UBAC2: variants seen among roughly 807,000 people sequenced by gnomAD.
UBAC2 encodes the protein ubiquitin-associated domain-containing protein 2.
A neutral mutation model predicts 44.0 loss-of-function variants in UBAC2; 26 were observed. The ratio of observed to expected loss-of-function variants is 0.59; its 90% CI spans 0.43 to 0.82. The LOEUF is 0.82. Among genes scored for constraint, UBAC2 ranks in the 40% least tolerant of loss-of-function variants. The probability of loss-of-function intolerance (pLI) is 0.00; values close to 1 mark genes in which losing one functional copy is unlikely to be tolerated. For synonymous variants in UBAC2, 155 were observed against 154.3 expected (o/e 1.00, Z -0.04); for missense variants, 329 against 419.4 (o/e 0.78, Z 1.88).
chr13:99,328,726 A>T (rs1305267877), intron 6 of UBAC2, among the ~76,000 whole-genome samples: 1 of 152,164 alleles, frequency 6.6e-6, no homozygotes, highest in African/African-American at 2.4e-5. Context: ...TTCTTTATAT[A>T]TTCTAGATAT....
At chr13:99,264,580 A>G (rs1441734296) in intron 4 of UBAC2, among the ~76,000 whole-genome samples, 1 of 152,092 alleles carries the variant, frequency 6.6e-6, no homozygotes, top group Non-Finnish European at 1.5e-5. Flanking sequence ...AGCATGTGCC[A>G]CTAACTGACC....
intron 1 of UBAC2, among the ~76,000 whole-genome samples, chr13:99,219,109 A>G (rs937599003): frequency 6.6e-6 from 1 of 152,178 alleles, no homozygotes; most frequent in Non-Finnish European, 1.5e-5. Context: ...AGGAAAACCA[A>G]TGTTGTGGTA....
chr13:99,385,695 C>T lies in UBAC2; in HGVS notation c.*360C>T, dbSNP rs2045611064. 1 of 224,464 alleles carries T rather than the reference C, an allele frequency of 4.5e-6. No individual in the cohort carries two copies. The highest frequency in any genetic ancestry group is 9.1e-6 in the Non-Finnish European group (1 of 110,440). The allele number at this position is 224,464 out of a possible 1,614,324, so 13.9% of individuals were successfully genotyped here. On this transcript the variant is annotated 3_prime_UTR_variant, in exon 9 of 9. Coordinates refer to ENST00000403766, the MANE Select transcript of UBAC2 (RefSeq NM_001144072.2). The stretch of plus-strand genomic sequence containing the variant: ...TAACCCTCTTACTGTAACATGTCAT[C>T]TCCTGCGTCGTGATGGGGAGAGGGT...
intron 7 of UBAC2, among the ~76,000 whole-genome samples, chr13:99,348,535 G>C (rs531014973): frequency 2.0e-5 from 3 of 152,298 alleles, no homozygotes; most frequent in African/African-American, 7.2e-5. Context: ...ATAAGAAAGA[G>C]GCAATGAAAG....
intron 1 of UBAC2, among the ~76,000 whole-genome samples, chr13:99,208,865 C>G (rs113157550): frequency 0.011 from 1,625 of 152,314 alleles, 30 homozygotes; most frequent in African/African-American, 0.038. Flanking sequence ...GACTTCTATC[C>G]CTTTTGCCTC....
chr13:99,314,262 CTT>C (rs57005833), intron 5 of UBAC2, 42 bp downstream of exon 5: 25,630 of 1,126,522 alleles, frequency 0.023, no homozygotes, highest in Middle Eastern at 0.051. Flanking sequence ...TTAACCAGAT[CTT>C]TTTTTTTTTT....
intron 7 of UBAC2, among the ~76,000 whole-genome samples, chr13:99,344,135 A>T (rs776352819): frequency 1.3e-5 from 2 of 152,144 alleles, no homozygotes; most frequent in Non-Finnish European, 2.9e-5. Flanking sequence ...ATGTTATCTC[A>T]TTTATGCCCG....
At chr13:99,321,773 A>G (rs1224542246) in intron 6 of UBAC2, among the ~76,000 whole-genome samples, 4 of 152,230 alleles carry the variant, frequency 2.6e-5, no homozygotes, top group Non-Finnish European at 5.9e-5. Context: ...GTGATATCAC[A>G]GAAAATAACT....
chr13:99,337,881 C>G (rs1197231596), intron 6 of UBAC2, among the ~76,000 whole-genome samples: 1 of 152,068 alleles, frequency 6.6e-6, no homozygotes, highest in Admixed American at 6.6e-5. Context: ...CCTCCTTCCA[C>G]AGGGCCTAGA....
At chr13:99,225,718 G>A (rs569201698) in intron 1 of UBAC2, among the ~76,000 whole-genome samples, 10 of 152,324 alleles carry the variant, frequency 6.6e-5, no homozygotes, top group Admixed American at 3.9e-4. Context: ...CAAAGCTGAT[G>A]CCCTAAGTAA....
chr13:99,309,030 G>A (rs990367822), intron 4 of UBAC2, among the ~76,000 whole-genome samples: 7 of 152,124 alleles, frequency 4.6e-5, no homozygotes, highest in Non-Finnish European at 8.8e-5. Context: ...TTTTGAAATA[G>A]TTATATTAAG....
chr13:99,359,391 A>G (rs2045233245), intron 7 of UBAC2, among the ~76,000 whole-genome samples: 2 of 152,200 alleles, frequency 1.3e-5, no homozygotes, highest in Admixed American at 1.3e-4. Context: ...ACATTAGTAG[A>G]TGTGATAATT....
chr13:99,278,437 G>C (rs1566482227), intron 4 of UBAC2, among the ~76,000 whole-genome samples: 1 of 152,226 alleles, frequency 6.6e-6, no homozygotes, highest in East Asian at 1.9e-4. Context: ...GCAACCGTTG[G>C]AGTATTTTTA....
At chr13:99,368,344 A>G (rs1220070768) in intron 8 of UBAC2, among the ~76,000 whole-genome samples, 1 of 152,244 alleles carries the variant, frequency 6.6e-6, no homozygotes, top group Admixed American at 6.5e-5. Context: ...AACTGAAAAG[A>G]AACAAACAAA....
At chr13:99,351,576 C>T (rs1472091697) in intron 7 of UBAC2, 1 of 456,706 alleles carries the variant, frequency 2.2e-6, no homozygotes, top group Non-Finnish European at 4.4e-6. Context: ...TCTCTTAGTT[C>T]TGGTCATCTG....
At chr13:99,243,490 A>C (rs1331849471) in intron 2 of UBAC2, among the ~76,000 whole-genome samples, 3 of 152,096 alleles carry the variant, frequency 2.0e-5, no homozygotes, top group Admixed American at 6.5e-5. Context: ...AAAAATGAAC[A>C]TTTGTTAGCC....
rs2043967766 is a variant in UBAC2, at chr13:99,282,572, GAAAT to G, written c.390-31521_390-31518del. 2.6e-5 allele frequency among the ~76,000 whole-genome samples: 4 copies of G among 151,990 alleles called. No individual in the cohort carries two copies. In the South Asian group the frequency reaches 8.3e-4, roughly 32 times the overall value. Reference sequence around the variant, plus strand: ...ATAGGAAATATGTTTTGTTCAAAAAGAAATAAAGATATTTATAACTGTTGGGCTA... The same window carrying G: ...ATAGGAAATATGTTTTGTTCAAAAAGAAAGATATTTATAACTGTTGGGCTA... On this transcript the variant is annotated intron_variant, in intron 4 of 8. Transcript: ENST00000403766.
At chr13:99,334,293 G>T (rs1019713192) in intron 6 of UBAC2, among the ~76,000 whole-genome samples, 46 of 152,148 alleles carry the variant, frequency 3.0e-4, no homozygotes, top group African/African-American at 1.0e-3. Context: ...GTATATAGGT[G>T]TAAAATATGA....
chr13:99,313,828 C>T (rs556329154), intron 4 of UBAC2, among the ~76,000 whole-genome samples: 2 of 152,272 alleles, frequency 1.3e-5, no homozygotes, highest in South Asian at 4.2e-4. Flanking sequence ...AACATAGCCT[C>T]CACTTTTCTC....
Sources: gnomAD v4.1 joint callset for allele counts (sites outside exome capture counted in the v4.1 genomes callset) on GRCh38, gnomAD v4.1.1 for gene constraint, MANE v1.5 for transcripts, NCBI Gene and HGNC (gene_info 2026-07-23, HGNC 2026-07-21) for gene names.